RAD18: variants seen among roughly 807,000 people sequenced by gnomAD.
RAD18 encodes the protein RAD18 E3 ubiquitin protein ligase.
RAD18 carries 47 observed loss-of-function variants against 60.4 expected under a neutral mutation model. That is an observed-to-expected ratio of 0.78 (90% confidence interval 0.62 to 0.99). RAD18 has a LOEUF of 0.99. Among genes scored for constraint, RAD18 ranks in the 50% least tolerant of loss-of-function variants. RAD18 has a pLI of 0.00. For synonymous variants in RAD18, 225 were observed against 195.5 expected (o/e 1.15, Z -1.26); for missense variants, 640 against 593.3 (o/e 1.08, Z -0.82).
Position 8,936,078 on chromosome 3 carries a change from G to A in RAD18, c.705-23C>T, listed in dbSNP as rs145063245. 295 of 1,447,036 alleles carry A rather than the reference G, an allele frequency of 2.0e-4. 2 individuals carry two copies. In the East Asian group the frequency reaches 5.2e-3, roughly 25 times the overall value. 89.6% of individuals were successfully genotyped at this position (1,447,036 alleles called of 1,614,324 possible). A position where few individuals can be genotyped will look rare whatever the true frequency, so the allele number is the denominator to read the frequency against. On this transcript the variant is annotated intron_variant, in intron 6 of 12. Coordinates refer to ENST00000264926, the MANE Select transcript of RAD18 (RefSeq NM_020165.4). ...GAACTGAAAAGGGGGGAAGATACCT[G>A]ATGATTATTGTGAATTATCAAATGC...
At chr3:8,962,446 A>G (rs949384227) in intron 1 of RAD18, among the ~76,000 whole-genome samples, 6 of 152,250 alleles carry the variant, frequency 3.9e-5, no homozygotes, top group Non-Finnish European at 8.8e-5. Context: ...AAGGCCTTCT[A>G]CTTACTTTAG....
chr3:8,923,864 T>G (rs1216346953), intron 7 of RAD18, among the ~76,000 whole-genome samples: 1 of 152,218 alleles, frequency 6.6e-6, no homozygotes. Context: ...AAGCAAATGC[T>G]GGGAGATTCT....
intron 7 of RAD18, among the ~76,000 whole-genome samples, chr3:8,929,314 A>G (rs59354431): frequency 1.3e-5 from 2 of 152,096 alleles, no homozygotes; most frequent in Non-Finnish European, 2.9e-5. Flanking sequence ...GATTCTTTAG[A>G]AAAACGAGAA....
At chr3:8,920,372 T>A (rs1940296077) in intron 7 of RAD18, among the ~76,000 whole-genome samples, 1 of 151,912 alleles carries the variant, frequency 6.6e-6, no homozygotes, top group Admixed American at 6.6e-5. Context: ...AATTAGCAAC[T>A]GTGAAACCAA....
At chr3:8,952,489 T>C (rs978375101) in intron 2 of RAD18, among the ~76,000 whole-genome samples, 1 of 152,236 alleles carries the variant, frequency 6.6e-6, no homozygotes, top group African/African-American at 2.4e-5. Context: ...GTCATAGTGA[T>C]TCAATGGATT....
chr3:8,922,506 C>G (rs1940341656), intron 7 of RAD18, among the ~76,000 whole-genome samples: 1 of 152,216 alleles, frequency 6.6e-6, no homozygotes, highest in South Asian at 2.1e-4. Context: ...CATAGCCAAA[C>G]AAAAGGCAGC....
chr3:8,925,582 A>G (rs1259699623), intron 7 of RAD18, among the ~76,000 whole-genome samples: 1 of 152,242 alleles, frequency 6.6e-6, no homozygotes, highest in East Asian at 1.9e-4. Flanking sequence ...TCATCCTGAT[A>G]CCAAAGCCTG....
chr3:8,961,543 T>C (rs1941095183), intron 1 of RAD18, among the ~76,000 whole-genome samples: 1 of 152,204 alleles, frequency 6.6e-6, no homozygotes, highest in South Asian at 2.1e-4. Context: ...CAGACTTCTA[T>C]TCAATAAAAG....
At position 8,910,092 on chromosome 3, in the gene RAD18, A is replaced by AC. The variant is rs527958289; in HGVS notation, c.1027+2219_1027+2220insG. On this transcript the variant is annotated intron_variant, in intron 9 of 12. Transcript: ENST00000264926. ...GACAAGAAATTCCAGAAGAGCAGCC[A>AC]TGTATTAACAGAAGGCAAAAAGGAC... Among the ~76,000 whole-genome samples the AC allele has an allele frequency of 5.8e-4, 88 of 152,308 alleles. No homozygotes were observed. The South Asian group carries it at 6.6e-3, about 11-fold the overall frequency.
At chr3:8,928,135 A>G (rs907508013) in intron 7 of RAD18, among the ~76,000 whole-genome samples, 1 of 152,080 alleles carries the variant, frequency 6.6e-6, no homozygotes, top group Non-Finnish European at 1.5e-5. Context: ...GTAGACTGAG[A>G]TAAGTTAAAA....
chr3:8,942,213 T>C (rs1361616443), intron 4 of RAD18, among the ~76,000 whole-genome samples: 2 of 152,208 alleles, frequency 1.3e-5, no homozygotes, highest in South Asian at 4.1e-4. Flanking sequence ...TTCTCATGAA[T>C]GGTTTAGCAC....
intron 2 of RAD18, among the ~76,000 whole-genome samples, chr3:8,949,499 T>A (rs1454214818): frequency 6.6e-6 from 1 of 152,100 alleles, no homozygotes; most frequent in African/African-American, 2.4e-5. Context: ...GTTGAGTTCT[T>A]TTAGGAAGCA....
At chr3:8,948,693 T>A in intron 2 of RAD18, 123 bp from the exon 3 acceptor site, 1 of 736,824 alleles carries the variant, frequency 1.4e-6, no homozygotes, top group Non-Finnish European at 2.2e-6. Context: ...ATCATAAGCT[T>A]AAATTTCTAG....
In RAD18 at chr3:8,881,076, C is replaced by A; in HGVS notation, c.*281G>T. 3.5e-6 allele frequency: 1 copy of A among 288,448 alleles called. No individual in the cohort carries two copies. Among genetic ancestry groups the A allele is most frequent in the Non-Finnish European group, 6.5e-6 (1 of 154,842 alleles). The allele number at this position is 288,448 out of a possible 1,614,324, so 17.9% of individuals were successfully genotyped here. On this transcript the variant is annotated 3_prime_UTR_variant, in exon 13 of 13. Transcript: ENST00000264926. ...ACCAAACCAAACCAAATCCCTGTGC[C>A]AAAGTGCCAAAGAGTCTACCTCCTC...
At chr3:8,930,022 CA>C (rs1215931039) in intron 7 of RAD18, among the ~76,000 whole-genome samples, 2 of 152,158 alleles carry the variant, frequency 1.3e-5, no homozygotes, top group Non-Finnish European at 2.9e-5. Flanking sequence ...AGCAATTCCT[CA>C]AAATGTTAAA....
At chr3:8,913,401 G>A (rs1038377646) in intron 8 of RAD18, among the ~76,000 whole-genome samples, 4 of 152,124 alleles carry the variant, frequency 2.6e-5, no homozygotes, top group African/African-American at 9.7e-5. Flanking sequence ...CTGATGCACA[G>A]GCACAGGCAT....
At chr3:8,947,120 T>C (rs1940851000) in intron 4 of RAD18, 100 bp downstream of exon 4, 1 of 868,626 alleles carries the variant, frequency 1.2e-6, no homozygotes, top group Non-Finnish European at 1.8e-6. Context: ...CTATAAAATA[T>C]GCAACCCTGC....
intron 1 of RAD18, among the ~76,000 whole-genome samples, chr3:8,959,879 C>CA (rs71307734): frequency 0.076 from 4,766 of 62,922 alleles, 124 homozygotes; most frequent in African/African-American, 0.088. Context: ...GAAACTGTCT[C>CA]AAAAAAAAAA....
intron 11 of RAD18, among the ~76,000 whole-genome samples, chr3:8,894,847 G>A (rs558781145): frequency 2.6e-4 from 36 of 139,104 alleles, no homozygotes; most frequent in African/African-American, 9.2e-4. Context: ...AGCAACCTCC[G>A]CCTCCCACGT....
Sources: allele counts gnomAD v4.1 joint callset (sites outside exome capture counted in the v4.1 genomes callset), GRCh38; gene constraint gnomAD v4.1.1; transcripts MANE v1.5; gene names NCBI Gene and HGNC (gene_info 2026-07-23, HGNC 2026-07-21).